The following HOMER1 variants were observed in gnomAD, a reference collection of about 807,000 sequenced individuals.
The protein encoded by HOMER1 is homer scaffold protein 1.
HOMER1 carries 3 observed loss-of-function variants against 48.9 expected under a neutral mutation model. The ratio of observed to expected loss-of-function variants is 0.06; its 90% CI spans 0.03 to 0.16. The LOEUF (loss-of-function observed/expected upper bound fraction) is 0.16, where lower values mean the gene tolerates loss of function less well. HOMER1 is among the 10% of genes least tolerant of loss of function. The pLI, the probability that HOMER1 is intolerant of heterozygous loss-of-function variation, is 1.00. For missense variants in HOMER1, 247 were observed against 411.4 expected (o/e 0.60, Z 3.46); for synonymous variants, 134 against 146.4 (o/e 0.92, Z 0.61).
At chr5:79,395,384 C>T (rs1476116622) in intron 8 of HOMER1, among the ~76,000 whole-genome samples, 1 of 152,198 alleles carries the variant, frequency 6.6e-6, no homozygotes, top group Non-Finnish European at 1.5e-5. Flanking sequence ...AGCAGCATCT[C>T]TGGCTTTGTC....
At chr5:79,464,119 C>T (rs1751390036) in intron 1 of HOMER1, among the ~76,000 whole-genome samples, 1 of 152,072 alleles carries the variant, frequency 6.6e-6, no homozygotes, top group Non-Finnish European at 1.5e-5. Context: ...ATTACACTTA[C>T]ATAACAATTA....
At chr5:79,379,019 G>C (rs1397550522) in intron 8 of HOMER1, among the ~76,000 whole-genome samples, 2 of 135,802 alleles carry the variant, frequency 1.5e-5, no homozygotes, top group Non-Finnish European at 3.1e-5. Context: ...TTAGAGCACA[G>C]GGGCCAAGAG....
intron 5 of HOMER1, among the ~76,000 whole-genome samples, chr5:79,414,254 C>CTT (rs1041784580): frequency 8.5e-6 from 1 of 118,020 alleles, no homozygotes; most frequent in African/African-American, 4.8e-5. Context: ...CTAATTTTTG[C>CTT]TTTTGTTTTT....
At chr5:79,403,690 A>T (rs1749589185) in intron 5 of HOMER1, among the ~76,000 whole-genome samples, 1 of 152,228 alleles carries the variant, frequency 6.6e-6, no homozygotes, top group Non-Finnish European at 1.5e-5. Context: ...GTAGTATTGT[A>T]TCAATGCTAC....
intron 1 of HOMER1, among the ~76,000 whole-genome samples, chr5:79,461,231 C>G (rs1751309405): frequency 6.6e-6 from 1 of 152,164 alleles, no homozygotes; most frequent in Non-Finnish European, 1.5e-5. Context: ...TAACTGAACT[C>G]TTAAAAAGCT....
At chr5:79,481,716 C>G (rs1162389940) in intron 1 of HOMER1, among the ~76,000 whole-genome samples, 1 of 152,138 alleles carries the variant, frequency 6.6e-6, no homozygotes, top group African/African-American at 2.4e-5. Context: ...AAACCAGAAA[C>G]AGTTCATGTT....
chr5:79,432,264 G>A (rs1291338360), intron 5 of HOMER1, among the ~76,000 whole-genome samples: 1 of 152,144 alleles, frequency 6.6e-6, no homozygotes, highest in East Asian at 1.9e-4. Context: ...TCCCCATGTA[G>A]CAGGCTAAGA....
intron 5 of HOMER1, among the ~76,000 whole-genome samples, chr5:79,402,721 A>AT (rs933091817): frequency 1.2e-4 from 19 of 152,164 alleles, no homozygotes; most frequent in Non-Finnish European, 2.5e-4. Context: ...AATGTATTAC[A>AT]TTTTTTACGT....
intron 1 of HOMER1, among the ~76,000 whole-genome samples, chr5:79,489,320 A>G (rs1192933307): frequency 6.6e-6 from 1 of 152,196 alleles, no homozygotes; most frequent in Non-Finnish European, 1.5e-5. Flanking sequence ...TTTCTAAAGG[A>G]AAGAAGAATA....
At chr5:79,441,479 G>A (rs76979897) in intron 4 of HOMER1, among the ~76,000 whole-genome samples, 8,066 of 152,138 alleles carry the variant, frequency 0.053, 545 homozygotes, top group East Asian at 0.19. Context: ...AGGGGAGAAA[G>A]AAAGGGATAG....
At chr5:79,400,370 T>C (rs76148595) in intron 6 of HOMER1, among the ~76,000 whole-genome samples, 23 of 151,404 alleles carry the variant, frequency 1.5e-4, no homozygotes, top group African/African-American at 4.4e-4. Context: ...TTTTTTTTTT[T>C]CTGAGATAAG....
intron 5 of HOMER1, among the ~76,000 whole-genome samples, chr5:79,411,911 G>A (rs1255579832): frequency 6.6e-6 from 1 of 152,146 alleles, no homozygotes; most frequent in African/African-American, 2.4e-5. Context: ...TTGAGGCCAG[G>A]AGTTCAAGAC....
At chr5:79,475,737 C>G (rs1384025804) in intron 1 of HOMER1, among the ~76,000 whole-genome samples, 1 of 152,116 alleles carries the variant, frequency 6.6e-6, no homozygotes, top group Non-Finnish European at 1.5e-5. Context: ...AAGGAAGACT[C>G]AAGAACTAGG....
At chr5:79,464,454 T>C (rs750200083) in intron 1 of HOMER1, among the ~76,000 whole-genome samples, 44 of 152,210 alleles carry the variant, frequency 2.9e-4, no homozygotes, top group Non-Finnish European at 5.3e-4. Context: ...AGTCCAGGAA[T>C]AGACGGACAC....
At chr5:79,437,531 C>T (rs1293553912) in intron 5 of HOMER1, among the ~76,000 whole-genome samples, 3 of 152,092 alleles carry the variant, frequency 2.0e-5, no homozygotes, top group Non-Finnish European at 4.4e-5. Flanking sequence ...CAGAAAATAT[C>T]GTTATACCAC....
intron 8 of HOMER1, among the ~76,000 whole-genome samples, chr5:79,391,715 C>A (rs1442678803): frequency 6.6e-6 from 1 of 151,148 alleles, no homozygotes; most frequent in Non-Finnish European, 1.5e-5. Flanking sequence ...TGCATTCCAG[C>A]CTGGGCAACA....
At chr5:79,446,804 A>ATTTTTTTTTTTTTTTTTTTTTTTTT (rs35036295) in intron 4 of HOMER1, among the ~76,000 whole-genome samples, 1 of 101,732 alleles carries the variant, frequency 9.8e-6, no homozygotes. Flanking sequence ...CACTTGGCTA[A>ATTTTTTTTTTTTTTTTTTTTTTTTT]TTTTTTTTTT....
chr5:79,377,060 G>T (rs546654212), intron 8 of HOMER1, among the ~76,000 whole-genome samples: 2 of 152,238 alleles, frequency 1.3e-5, no homozygotes, highest in South Asian at 2.1e-4. Flanking sequence ...CCGCCTCCCA[G>T]GTTCAAGCCA....
At chr5:79,377,155 G>A (rs1237088882) in intron 8 of HOMER1, among the ~76,000 whole-genome samples, 2 of 152,028 alleles carry the variant, frequency 1.3e-5, no homozygotes, top group Admixed American at 6.6e-5. Context: ...TAGTAGAGAC[G>A]GGGTTTCACC....
Sources: gnomAD v4.1 joint callset for allele counts (sites outside exome capture counted in the v4.1 genomes callset) on GRCh38, gnomAD v4.1.1 for gene constraint, MANE v1.5 for transcripts, NCBI Gene and HGNC (gene_info 2026-07-23, HGNC 2026-07-21) for gene names.